The following TBC1D22A variants were observed in gnomAD, a reference collection of about 807,000 sequenced individuals.
TBC1D22A encodes the protein TBC1 domain family member 22A, also known as putative GTPase activator.
A neutral mutation model predicts 60.2 loss-of-function variants in TBC1D22A; 38 were observed. That is an observed-to-expected ratio of 0.63 (90% CI 0.49 to 0.83). The LOEUF (loss-of-function observed/expected upper bound fraction) is 0.83, where lower values mean the gene tolerates loss of function less well. Ranked by LOEUF, TBC1D22A falls within the 40% of genes least tolerant of loss-of-function variation. TBC1D22A has a pLI of 0.00. For synonymous variants in TBC1D22A, 302 were observed against 281.7 expected (o/e 1.07, Z -0.72); for missense variants, 628 against 701.0 (o/e 0.90, Z 1.18).
At chr22:46,963,382 G>GTGCTCATCCCACT (rs1453667223) in intron 8 of TBC1D22A, among the ~76,000 whole-genome samples, 2 of 68,650 alleles carry the variant, frequency 2.9e-5, no homozygotes, top group Admixed American at 1.3e-4. Context: ...CAGTGCCCAA[G>GTGCTCATCCCACT]GCTGGAAAGG....
chr22:46,930,256 A>G (rs1602527670), intron 8 of TBC1D22A, among the ~76,000 whole-genome samples: 2 of 152,176 alleles, frequency 1.3e-5, no homozygotes, highest in South Asian at 4.2e-4. Flanking sequence ...AGCATTTTGT[A>G]TATTGTATTA....
intron 8 of TBC1D22A, among the ~76,000 whole-genome samples, chr22:46,944,413 T>A (rs1458859046): frequency 3.3e-5 from 5 of 152,238 alleles, no homozygotes; most frequent in Admixed American, 3.3e-4. Context: ...TTCCTCTTTT[T>A]TTTGAGACGG....
At chr22:47,067,028 G>T (rs1312922200) in intron 11 of TBC1D22A, among the ~76,000 whole-genome samples, 1 of 152,238 alleles carries the variant, frequency 6.6e-6, no homozygotes, top group Non-Finnish European at 1.5e-5. Context: ...CACTTTGGGA[G>T]GCTGAGACGG....
intron 4 of TBC1D22A, among the ~76,000 whole-genome samples, chr22:46,802,815 C>G (rs1371827165): frequency 6.9e-6 from 1 of 144,666 alleles, no homozygotes; most frequent in East Asian, 2.0e-4. Flanking sequence ...GGGTGGGAGA[C>G]TAGGGGGCAA....
chr22:47,121,705 T>TG (rs951249893), intron 12 of TBC1D22A, among the ~76,000 whole-genome samples: 5 of 151,600 alleles, frequency 3.3e-5, no homozygotes, highest in African/African-American at 1.2e-4. Context: ...TTTTCTTGTT[T>TG]GAAAAAAAAT....
intron 10 of TBC1D22A, among the ~76,000 whole-genome samples, chr22:47,016,729 A>G (rs6009102): frequency 0.096 from 14,658 of 152,124 alleles, 1,730 homozygotes; most frequent in African/African-American, 0.28. Flanking sequence ...CCGGTCTCAC[A>G]TTGCTGCGCT....
At chr22:46,856,144 C>T (rs1043240661) in intron 4 of TBC1D22A, among the ~76,000 whole-genome samples, 2 of 152,194 alleles carry the variant, frequency 1.3e-5, no homozygotes, top group African/African-American at 4.8e-5. Context: ...GCCTGGGGTA[C>T]AGCACGTGCC....
chr22:47,112,486 G>A (rs1016009433), intron 12 of TBC1D22A, among the ~76,000 whole-genome samples: 1 of 152,188 alleles, frequency 6.6e-6, no homozygotes, highest in East Asian at 1.9e-4. Context: ...GCAGCCTGTT[G>A]TTCCCCAGCT....
In TBC1D22A at chr22:47,157,897, T is replaced by A. The variant is rs80048649; in HGVS notation, c.1426-15601T>A. Among the ~76,000 whole-genome samples the A allele has an allele frequency of 3.5e-3, 536 of 151,684 alleles. 3 individuals are homozygous for A. Among genetic ancestry groups the A allele is most frequent in the African/African-American group, 0.012 (509 of 41,436 alleles). On this transcript the variant is annotated intron_variant, in intron 12 of 12. Transcript: ENST00000337137. ...ACTGAGATGCCAGTTACCCCTGCCA[T>A]GCTGGGTGTGAGGCAGGGGTAACTG... is the stretch of plus-strand genomic sequence containing the variant.
At chr22:46,831,310 T>G (rs1397546215) in intron 4 of TBC1D22A, among the ~76,000 whole-genome samples, 2 of 151,968 alleles carry the variant, frequency 1.3e-5, no homozygotes, top group Non-Finnish European at 2.9e-5. Flanking sequence ...CTCTCCAGAG[T>G]AGATTCTCTT....
chr22:47,025,715 T>C (rs1462354474), intron 10 of TBC1D22A, among the ~76,000 whole-genome samples: 1 of 152,066 alleles, frequency 6.6e-6, no homozygotes, highest in Non-Finnish European at 1.5e-5. Flanking sequence ...GGGAAACATA[T>C]AGTACTGAGT....
intron 11 of TBC1D22A, among the ~76,000 whole-genome samples, chr22:47,086,093 A>G (rs1188439033): frequency 6.6e-6 from 1 of 152,226 alleles, no homozygotes; most frequent in East Asian, 1.9e-4. Context: ...GGACGTGTCC[A>G]TTGGGCACTG....
At chr22:47,149,655 C>T (rs1358592983) in intron 12 of TBC1D22A, among the ~76,000 whole-genome samples, 3 of 151,966 alleles carry the variant, frequency 2.0e-5, no homozygotes. Flanking sequence ...GCAGAGCCGG[C>T]AGGGCTGCAG....
chr22:46,857,980 G>A (rs1181069522), intron 4 of TBC1D22A, among the ~76,000 whole-genome samples: 1 of 152,086 alleles, frequency 6.6e-6, no homozygotes, highest in African/African-American at 2.4e-5. Flanking sequence ...CCTTTCTCTC[G>A]GGGATATACT....
In TBC1D22A at chr22:46,766,005, G is replaced by GTA. The variant is rs1556000714; in HGVS notation, c.62+3159_62+3160dup. 1.7e-3 allele frequency among the ~76,000 whole-genome samples: 241 copies of GTA among 138,456 alleles called. 2 individuals are homozygous for GTA. Among genetic ancestry groups the GTA allele is most frequent in the African/African-American group, 5.5e-3 (206 of 37,488 alleles). The allele number at this position is 138,456 out of a possible 152,430, so 90.8% of individuals were successfully genotyped here. A position where few individuals can be genotyped will look rare whatever the true frequency, so the allele number is the denominator to read the frequency against. ...TGTGTGTGTGTGTGTGTGTGTGTGT[G>GTA]TATTTTTTTTGAGACGGAGTCTCAC... On this transcript the variant is annotated intron_variant, in intron 1 of 12. Transcript: ENST00000337137.
chr22:47,109,442 C>T (rs945787913), intron 11 of TBC1D22A, among the ~76,000 whole-genome samples: 5 of 152,176 alleles, frequency 3.3e-5, no homozygotes, highest in African/African-American at 1.2e-4. Flanking sequence ...TTAGAATATG[C>T]ACCCTCTTCA....
chr22:46,883,949 C>G (rs1276639042), intron 5 of TBC1D22A, among the ~76,000 whole-genome samples: 1 of 152,206 alleles, frequency 6.6e-6, no homozygotes, highest in African/African-American at 2.4e-5. Flanking sequence ...GCACACGCAT[C>G]TTTCTCCCTG....
At chr22:47,055,923 A>T (rs1221410895) in intron 11 of TBC1D22A, among the ~76,000 whole-genome samples, 1 of 151,896 alleles carries the variant, frequency 6.6e-6, no homozygotes, top group Admixed American at 6.5e-5. Context: ...AGGGTTGGTG[A>T]GATACGCCAT....
At chr22:47,075,521 G>GT (rs1454162240) in intron 11 of TBC1D22A, among the ~76,000 whole-genome samples, 2 of 152,082 alleles carry the variant, frequency 1.3e-5, no homozygotes, top group Non-Finnish European at 2.9e-5. Flanking sequence ...ATCCCTCAGT[G>GT]TTAAAGGGTG....
Sources: gnomAD v4.1 joint callset for allele counts (sites outside exome capture counted in the v4.1 genomes callset) on GRCh38, gnomAD v4.1.1 for gene constraint, MANE v1.5 for transcripts, NCBI Gene and HGNC (gene_info 2026-07-23, HGNC 2026-07-21) for gene names.